SAMD3: variants seen among roughly 807,000 people sequenced by gnomAD.
SAMD3 encodes sterile alpha motif domain containing 3, also known as sterile alpha motif domain-containing protein 3.
SAMD3 carries 63 observed loss-of-function variants against 58.5 expected under a neutral mutation model. The ratio of observed to expected loss-of-function variants is 1.08; its 90% CI spans 0.88 to 1.33. The LOEUF is 1.33. SAMD3 is among the 40% of genes most tolerant of loss of function. The pLI, the probability that SAMD3 is intolerant of heterozygous loss-of-function variation, is 0.00. For missense variants in SAMD3, 604 were observed against 608.4 expected (o/e 0.99, Z 0.08); for synonymous variants, 220 against 210.3 (o/e 1.05, Z -0.40).
upstream of SAMD3, among the ~76,000 whole-genome samples, chr6:130,227,104 C>T (rs1186891769): frequency 6.6e-6 from 1 of 152,172 alleles, no homozygotes; most frequent in African/African-American, 2.4e-5. Flanking sequence ...ACTCTGTACC[C>T]ATGGAACAAT....
intron 5 of SAMD3, among the ~76,000 whole-genome samples, chr6:130,188,750 T>C (rs912099910): frequency 2.6e-5 from 4 of 152,226 alleles, no homozygotes; most frequent in African/African-American, 9.6e-5. Context: ...TATTGACTAC[T>C]TCCTCACACC....
At chr6:130,217,442 A>G (rs559567511) in intron 1 of SAMD3, among the ~76,000 whole-genome samples, 50 of 152,370 alleles carry the variant, frequency 3.3e-4, no homozygotes, top group African/African-American at 1.2e-3. Context: ...TACATTATGT[A>G]TGAATGCTCC....
At chr6:130,279,053 AC>A (rs773090766) in intron 2 of SAMD3, among the ~76,000 whole-genome samples, 1 of 152,202 alleles carries the variant, frequency 6.6e-6, no homozygotes, top group Non-Finnish European at 1.5e-5. Flanking sequence ...TTACTGTATG[AC>A]CTTGGCAAGT....
At position 130,145,407 on chromosome 6, in the gene SAMD3, G is replaced by A; in HGVS notation, c.1211C>T (p.Ala404Val). The A allele has an allele frequency of 1.2e-6, 2 of 1,610,566 alleles. No homozygotes were observed. Among genetic ancestry groups the A allele is most frequent in the Non-Finnish European group, 8.5e-7 (1 of 1,177,572 alleles). ...AACATCTGGGAGGAGTAAACATGTGGCTGTCATCTTCATGTCTGTCAAAGC... is the reference window on the plus strand; with the variant it reads ...AACATCTGGGAGGAGTAAACATGTGACTGTCATCTTCATGTCTGTCAAAGC... ...EDMLKYMKMT[A>V]TCLLLPDVFG... is the part of the protein sequence containing the mutation. Residue 404 changes from alanine to valine, a missense_variant, in exon 11 of 12, where the codon GCC (alanine) becomes GTC (valine). By Grantham distance (64) the Ala-to-Val change is moderately conservative. Transcript: ENST00000439090.
At chr6:130,333,067 G>A (rs1390219768) in intron 1 of SAMD3, among the ~76,000 whole-genome samples, 1 of 151,446 alleles carries the variant, frequency 6.6e-6, no homozygotes, top group African/African-American at 2.4e-5. Context: ...GTGTGTGTGT[G>A]TGTGTGTGTG....
intron 5 of SAMD3, among the ~76,000 whole-genome samples, chr6:130,201,845 AGGCC>A (rs1172668487): frequency 6.6e-6 from 1 of 152,186 alleles, no homozygotes; most frequent in Non-Finnish European, 1.5e-5. Context: ...CTTTCCCTAG[AGGCC>A]TTCGCCACGC....
At chr6:130,297,549 T>C (rs949144889) in intron 2 of SAMD3, among the ~76,000 whole-genome samples, 1 of 152,084 alleles carries the variant, frequency 6.6e-6, no homozygotes, top group African/African-American at 2.4e-5. Flanking sequence ...ATTGAAAAGT[T>C]TGAAATGACA....
intron 5 of SAMD3, among the ~76,000 whole-genome samples, chr6:130,194,278 G>A (rs114880830): frequency 0.14 from 20,632 of 152,134 alleles, 1,891 homozygotes; most frequent in Non-Finnish European, 0.2. Flanking sequence ...AAAAATCCCA[G>A]CCCAGTTCAT....
At chr6:130,237,118 AT>A (rs540769629) in intron 2 of SAMD3, among the ~76,000 whole-genome samples, 6 of 152,040 alleles carry the variant, frequency 3.9e-5, no homozygotes, top group Admixed American at 1.3e-4. Flanking sequence ...AGCTGTGCTG[AT>A]TTTTTTTAAA....
chr6:130,289,266 C>T lies in SAMD3; in HGVS notation c.-188+23712G>A, dbSNP rs540047588. ...ATCATTCAAAGGACAAGTGTACACA[C>T]TGTGCAATAGGGACTCCATACGTAT... On this transcript the variant is annotated intron_variant, in intron 2 of 13. Transcript: ENST00000368134. Among the ~76,000 whole-genome samples the T allele has an allele frequency of 2.0e-5, 3 of 152,294 alleles. No individual in the cohort carries two copies. The East Asian group carries it at 5.8e-4, about 29-fold the overall frequency.
rs1408599867 is a variant in SAMD3, at chr6:130,154,923, T to C, written c.925A>G (p.Met309Val). The C allele has an allele frequency of 1.2e-6, 2 of 1,613,536 alleles. No homozygotes were observed. Among genetic ancestry groups the C allele is most frequent in the South Asian group, 2.2e-5 (2 of 91,068 alleles). ...CTTCTTATTTCCAAAGTTTGGCTCATTCTCTTGTCAATTTCTCTCCAGTCC... is the reference window on the plus strand; with the variant it reads ...CTTCTTATTTCCAAAGTTTGGCTCACTCTCTTGTCAATTTCTCTCCAGTCC... ...EKDWREIDKR[M>V]SQTLEIRRKM... Residue 309 changes from methionine to valine, a missense_variant, in exon 9 of 12, where the codon ATG becomes GTG. Physicochemically the swap from Met to Val is conservative, Grantham distance 21 (BLOSUM62 1). Transcript: ENST00000439090.
chr6:130,343,757 G>A (rs562144623), intron 1 of SAMD3, among the ~76,000 whole-genome samples: 7 of 152,134 alleles, frequency 4.6e-5, no homozygotes, highest in East Asian at 1.9e-4. Context: ...TTGAGGTCAG[G>A]GGTTTGAGAC....
At chr6:130,263,521 C>T (rs543908053) in intron 2 of SAMD3, among the ~76,000 whole-genome samples, 3 of 152,212 alleles carry the variant, frequency 2.0e-5, no homozygotes, top group Admixed American at 1.3e-4. Flanking sequence ...AAGAAAGCGC[C>T]ACCCCCTCCA....
At position 130,214,431 on chromosome 6, in the gene SAMD3, A is replaced by G. The variant is rs761780050; in HGVS notation, c.175T>C (p.Leu59=). The G allele has an allele frequency of 3.1e-6, 5 of 1,613,112 alleles. No individual in the cohort carries two copies. In the African/African-American group the frequency reaches 6.7e-5, roughly 22 times the overall value. Residue 59 remains leucine, a synonymous_variant, in exon 4 of 12, where the codon TTA becomes CTA. Transcript: ENST00000439090. ...KIGHQAVLMD[L]IKKYKQNTQG... is the part of the protein sequence containing the mutation. ...GTGTTCTGCTTGTATTTTTTAATTA[A>G]ATCCATCAGAACAGCCTGGTGCCCA...
rs1196709383 is a variant in SAMD3 at position 130,153,647 on chromosome 6, C to CATAT, written c.1023+1174_1023+1177dup. ...TTTGATTGATTTACCCATTAAATTT[C>CATAT]ATATATATATATATATATTTATTTA... On this transcript the variant is annotated intron_variant, in intron 9 of 11. Coordinates refer to ENST00000439090, the MANE Select transcript of SAMD3 (RefSeq NM_001017373.4). Among the ~76,000 whole-genome samples, 124 of 96,710 alleles carry CATAT rather than the reference C, an allele frequency of 1.3e-3. 2 individuals carry two copies. The highest frequency in any genetic ancestry group is 3.6e-3 in the African/African-American group (111 of 30,846). The allele number at this position is 96,710 out of a possible 152,430, so 63.4% of individuals were successfully genotyped here. A position where few individuals can be genotyped will look rare whatever the true frequency, so the allele number is the denominator to read the frequency against.
At chr6:130,320,272 A>G (rs371166149) in intron 1 of SAMD3, among the ~76,000 whole-genome samples, 1 of 152,252 alleles carries the variant, frequency 6.6e-6, no homozygotes, top group East Asian at 1.9e-4. Flanking sequence ...CAAAGAAGAT[A>G]AATGAATAGC....
chr6:130,363,175 A>G (rs1778035697), intron 1 of SAMD3, among the ~76,000 whole-genome samples: 1 of 152,032 alleles, frequency 6.6e-6, no homozygotes, highest in African/African-American at 2.4e-5. Context: ...AAACAATTCT[A>G]TTTTTTCCCA....
chr6:130,215,878 A>T, intron 2 of SAMD3: 2 of 1,505,550 alleles, frequency 1.3e-6, no homozygotes, highest in Non-Finnish European at 1.8e-6. Flanking sequence ...AGGAAGTAGG[A>T]CCCACATTTC....
chr6:130,234,009 A>AT (rs997312128), intron 2 of SAMD3, among the ~76,000 whole-genome samples: 41 of 152,308 alleles, frequency 2.7e-4, no homozygotes, highest in Admixed American at 1.4e-3. Flanking sequence ...TGCATTTGTC[A>AT]TTTTTGCAGA....
Sources: gnomAD v4.1 joint callset for allele counts (sites outside exome capture counted in the v4.1 genomes callset) on GRCh38, gnomAD v4.1.1 for gene constraint, MANE v1.5 for transcripts, NCBI Gene and HGNC (gene_info 2026-07-23, HGNC 2026-07-21) for gene names.